The following AGBL2 variants were observed in gnomAD, a reference collection of about 807,000 sequenced individuals.
The protein encoded by AGBL2 is AGBL carboxypeptidase 2.
A neutral mutation model predicts 103.0 loss-of-function variants in AGBL2; 87 were observed. The observed-to-expected ratio is 0.84, with a 90% CI of 0.71 to 1.01. AGBL2 has a LOEUF of 1.01. AGBL2 is among the 50% of genes least tolerant of loss of function. The pLI is 0.00. For missense variants in AGBL2, 904 were observed against 1,023.5 expected (o/e 0.88, Z 1.59); for synonymous variants, 335 against 356.7 (o/e 0.94, Z 0.69).
Position 47,692,131 on chromosome 11 carries a change from T to C in AGBL2, c.820A>G (p.Ser274Gly), listed in dbSNP as rs1439049986. The C allele has an allele frequency of 1.9e-6, 3 of 1,612,568 alleles. No individual in the cohort carries two copies. In the Admixed American group the frequency reaches 5.0e-5, roughly 27 times the overall value. Residue 274 changes from serine to glycine, a missense_variant, in exon 9 of 19, where the codon AGT becomes GGT. Physicochemically the swap from Ser to Gly is moderately conservative, Grantham distance 56. Transcript: ENST00000525123. ...CTGACAGCTTTTTGCAGATTCCCAC[T>C]CTCAAACCTTGATTCAAACAGTAGA... ...NTLLFESRFE[S>G]GNLQKAVRVD...
chr11:47,693,659 C>T (rs1026253613), intron 8 of AGBL2, among the ~76,000 whole-genome samples: 15 of 152,284 alleles, frequency 9.9e-5, no homozygotes, highest in South Asian at 4.1e-4. Context: ...TGTGAATCTT[C>T]GAATTTTGTA....
chr11:47,712,129 T>C (rs1466845746), intron 3 of AGBL2, among the ~76,000 whole-genome samples: 1 of 152,172 alleles, frequency 6.6e-6, no homozygotes, highest in African/African-American at 2.4e-5. Context: ...GCAAAAGTAA[T>C]GGCCACAGTA....
At chr11:47,714,774 T>A in intron 1 of AGBL2, 24 bp from the exon 2 acceptor site, 2 of 1,004,702 alleles carry the variant, frequency 2.0e-6, no homozygotes, top group Admixed American at 1.8e-5. Flanking sequence ...AGAGGACAAG[T>A]GAAAAAACTG....
rs559431375 is a variant in AGBL2 at position 47,697,566 on chromosome 11, G to A, written c.694+1880C>T. ...TTTTTTTTTTTTTTTTTTTTTTTGAGACGGAGTCTTGCTCTGTCGCCCAGG... is the reference window on the plus strand; with the variant it reads ...TTTTTTTTTTTTTTTTTTTTTTTGAAACGGAGTCTTGCTCTGTCGCCCAGG... On this transcript the variant is annotated intron_variant, in intron 8 of 18. Transcript: ENST00000525123. Among the ~76,000 whole-genome samples the A allele has an allele frequency of 4.1e-5, 3 of 73,868 alleles. No individual in the cohort carries two copies. The East Asian group carries it at 1.3e-3, about 33-fold the overall frequency. The allele number at this position is 73,868 out of a possible 152,430, so 48.5% of individuals were successfully genotyped here. A position where few individuals can be genotyped will look rare whatever the true frequency, so the allele number is the denominator to read the frequency against.
intron 4 of AGBL2, among the ~76,000 whole-genome samples, chr11:47,706,766 T>C (rs912627659): frequency 6.6e-6 from 1 of 151,072 alleles, no homozygotes; most frequent in Non-Finnish European, 1.5e-5. Flanking sequence ...TAAGACAGGG[T>C]TGCTGGGTGT....
intron 7 of AGBL2, among the ~76,000 whole-genome samples, 175 bp from the exon 8 acceptor site, chr11:47,699,728 A>G (rs2097490752): frequency 1.3e-5 from 2 of 152,266 alleles, no homozygotes; most frequent in East Asian, 3.9e-4. Flanking sequence ...GTTTCTTTCT[A>G]TAAAGACTTA....
chr11:47,679,395 GAAAAAA>G (rs968230575), intron 13 of AGBL2, among the ~76,000 whole-genome samples: 1 of 146,218 alleles, frequency 6.8e-6, no homozygotes, highest in Non-Finnish European at 1.5e-5. Context: ...TGTCTCAAAA[GAAAAAA>G]AAAAGAATAG....
At chr11:47,691,729 A>AAAAAAAAAAATATATATATATACATATAT in intron 9 of AGBL2, among the ~76,000 whole-genome samples, 2 of 4,850 alleles carry the variant, frequency 4.1e-4, no homozygotes, top group Admixed American at 4.3e-3. Context: ...AAAAAAAAAA[A>AAAAAAAAAAATATATATATATACATATAT]ATATATATAT....
rs376635389 is a variant in AGBL2, at chr11:47,666,952, C to T, written c.2448+4G>A. ...TGACAAAGAGTCAAAAACAAAAATACTACCTCATTTAACCTTGGGTTTTCA... is the reference window on the plus strand; with the variant it reads ...TGACAAAGAGTCAAAAACAAAAATATTACCTCATTTAACCTTGGGTTTTCA... On this transcript the variant is annotated splice_donor_region_variant and intron_variant, in intron 17 of 18. Coordinates refer to ENST00000525123, the MANE Select transcript of AGBL2 (RefSeq NM_024783.4). The T allele has an allele frequency of 6.5e-5, 103 of 1,586,298 alleles. No homozygotes were observed. Among genetic ancestry groups the T allele is most frequent in the Admixed American group, 4.2e-4 (25 of 59,706 alleles).
intron 12 of AGBL2, among the ~76,000 whole-genome samples, chr11:47,680,926 G>A (rs1416855313): frequency 6.6e-6 from 1 of 152,168 alleles, no homozygotes; most frequent in Non-Finnish European, 1.5e-5. Context: ...TAATCATGAT[G>A]GTTCTAATTA....
intron 4 of AGBL2, among the ~76,000 whole-genome samples, chr11:47,709,614 G>T (rs2097531328): frequency 1.3e-5 from 2 of 150,322 alleles, no homozygotes; most frequent in African/African-American, 2.5e-5. Context: ...TTGAGACAGG[G>T]TCTCACTCTG....
chr11:47,678,343 A>ATTTTATTATTTTTTTTTTTTTTTT (rs2097385823), intron 13 of AGBL2, among the ~76,000 whole-genome samples: 10 of 116,742 alleles, frequency 8.6e-5, no homozygotes, highest in Admixed American at 1.8e-4. Flanking sequence ...TTATTATTTT[A>ATTTTATTATTTTTTTTTTTTTTTT]TTTTTTTTGA....
At chr11:47,711,701 T>C (rs970831409) in intron 3 of AGBL2, among the ~76,000 whole-genome samples, 4 of 151,644 alleles carry the variant, frequency 2.6e-5, no homozygotes, top group Non-Finnish European at 5.9e-5. Context: ...GCCCAGCTAA[T>C]TTTTTGTATT....
At chr11:47,662,521 C>T (rs913239183) in intron 18 of AGBL2, among the ~76,000 whole-genome samples, 1 of 149,006 alleles carries the variant, frequency 6.7e-6, no homozygotes, top group Non-Finnish European at 1.5e-5. Flanking sequence ...TAGACGGAGT[C>T]GCACTCTGTC....
intron 7 of AGBL2, 107 bp downstream of exon 7, chr11:47,704,436 T>C: frequency 3.2e-6 from 3 of 930,026 alleles, no homozygotes; most frequent in Non-Finnish European, 4.8e-6. Flanking sequence ...TGAGCTGAGA[T>C]TGCGCCATTG....
At chr11:47,698,144 G>A (rs1175163965) in intron 8 of AGBL2, among the ~76,000 whole-genome samples, 1 of 143,670 alleles carries the variant, frequency 7.0e-6, no homozygotes, top group Non-Finnish European at 1.5e-5. Context: ...TTACAGGTAT[G>A]AGCCACCAAG....
At chr11:47,665,371 A>AT (rs1025121155) in intron 17 of AGBL2, among the ~76,000 whole-genome samples, 10 of 151,732 alleles carry the variant, frequency 6.6e-5, no homozygotes, top group African/African-American at 1.9e-4. Flanking sequence ...TTTAAAAAAA[A>AT]TTTTTGTAGA....
At position 47,703,781 on chromosome 11, in the gene AGBL2, C is replaced by T. The variant is rs182386096; in HGVS notation, c.586+762G>A. Among the ~76,000 whole-genome samples, 415 of 151,894 alleles carry T rather than the reference C, an allele frequency of 2.7e-3. 20 individuals are homozygous for T. Among genetic ancestry groups the T allele is most frequent in the Admixed American group, 0.027 (406 of 15,236 alleles). On this transcript the variant is annotated intron_variant, in intron 7 of 18. Transcript: ENST00000525123. The stretch of plus-strand genomic sequence containing the variant: ...TTTCTACTAAAAATACAAAATTAGC[C>T]GGGTGTGGTGGCACATGCCTGTAAT...
chr11:47,699,611 G>C, intron 7 of AGBL2, 58 bp from the exon 8 acceptor site: 1 of 898,950 alleles, frequency 1.1e-6, no homozygotes, highest in Non-Finnish European at 1.7e-6. Flanking sequence ...GGCACTATCA[G>C]AACTAATATA....
Sources: gnomAD v4.1 joint callset for allele counts (sites outside exome capture counted in the v4.1 genomes callset) on GRCh38, gnomAD v4.1.1 for gene constraint, MANE v1.5 for transcripts, NCBI Gene and HGNC (gene_info 2026-07-23, HGNC 2026-07-21) for gene names.